Variants in PDLIM5 observed in about 807,000 individuals in gnomAD.
The protein encoded by PDLIM5 is PDZ and LIM domain protein 5.
In PDLIM5, 34 loss-of-function variants were observed where a neutral mutation model predicts 64.2. The observed-to-expected ratio is 0.53, with a 90% confidence interval of 0.40 to 0.71. The LOEUF (loss-of-function observed/expected upper bound fraction) is 0.71, where lower values mean the gene tolerates loss of function less well. Ranked by LOEUF, PDLIM5 falls within the 30% of genes least tolerant of loss-of-function variation. The pLI, the probability that PDLIM5 is intolerant of heterozygous loss-of-function variation, is 0.00. For synonymous variants in PDLIM5, 253 were observed against 269.1 expected (o/e 0.94, Z 0.59); for missense variants, 683 against 733.6 (o/e 0.93, Z 0.80).
intron 2 of PDLIM5, among the ~76,000 whole-genome samples, chr4:94,465,181 T>G (rs553031174): frequency 3.9e-5 from 6 of 152,280 alleles, no homozygotes; most frequent in African/African-American, 1.4e-4. Flanking sequence ...TATCTCTTCC[T>G]CTAGGAACAT....
At chr4:94,518,441 T>C (rs1452945891) in intron 2 of PDLIM5, among the ~76,000 whole-genome samples, 2 of 152,206 alleles carry the variant, frequency 1.3e-5, no homozygotes, top group Non-Finnish European at 2.9e-5. Flanking sequence ...TTATTTTCAG[T>C]GTAATTTTAT....
chr4:94,566,030 A>G (rs1734287558), intron 3 of PDLIM5, among the ~76,000 whole-genome samples: 1 of 152,206 alleles, frequency 6.6e-6, no homozygotes, highest in Non-Finnish European at 1.5e-5. Context: ...TTGTTAATAG[A>G]AAGTAGTTAT....
At chr4:94,635,569 T>C (rs1578514252) in intron 8 of PDLIM5, among the ~76,000 whole-genome samples, 1 of 152,236 alleles carries the variant, frequency 6.6e-6, no homozygotes, top group Non-Finnish European at 1.5e-5. Flanking sequence ...ATGGGTTCAA[T>C]GCATTTGGAG....
intron 7 of PDLIM5, among the ~76,000 whole-genome samples, chr4:94,605,898 G>T (rs1417011984): frequency 4.7e-5 from 7 of 150,326 alleles, no homozygotes; most frequent in Non-Finnish European, 8.9e-5. Flanking sequence ...GTAATATGTA[G>T]ATATTGATAA....
intron 8 of PDLIM5, among the ~76,000 whole-genome samples, chr4:94,625,794 G>C (rs986666775): frequency 6.6e-6 from 1 of 152,100 alleles, no homozygotes; most frequent in Non-Finnish European, 1.5e-5. Flanking sequence ...GTATTGAACA[G>C]ATAACAGTTT....
intron 3 of PDLIM5, among the ~76,000 whole-genome samples, chr4:94,563,321 T>C (rs559268886): frequency 6.6e-6 from 1 of 152,300 alleles, no homozygotes; most frequent in African/African-American, 2.4e-5. Context: ...TAAACAAGGA[T>C]AGACTTGGCC....
At chr4:94,564,408 C>G (rs1186611449) in intron 3 of PDLIM5, among the ~76,000 whole-genome samples, 1 of 152,164 alleles carries the variant, frequency 6.6e-6, no homozygotes, top group African/African-American at 2.4e-5. Context: ...TCTAGCCCCA[C>G]TGGTACATTC....
At position 94,664,203 on chromosome 4, in the gene PDLIM5, TA is replaced by T; in HGVS notation, c.*141del. The T allele has an allele frequency of 8.1e-7, 1 of 1,229,750 alleles. No homozygotes were observed. The highest frequency in any genetic ancestry group is 1.0e-6 in the Non-Finnish European group (1 of 976,634). The allele number at this position is 1,229,750 out of a possible 1,614,324, so 76.2% of individuals were successfully genotyped here. A position where few individuals can be genotyped will look rare whatever the true frequency, so the allele number is the denominator to read the frequency against. On this transcript the variant is annotated 3_prime_UTR_variant, in exon 13 of 13. Coordinates refer to ENST00000317968, the MANE Select transcript of PDLIM5 (RefSeq NM_006457.5). Reference sequence around the variant, plus strand: ...GCCCTGAAGGAATAAATTCCAGCTTTAAAAACCAAGTCTGAGGAAATATTTG... The same window carrying T: ...GCCCTGAAGGAATAAATTCCAGCTTTAAAACCAAGTCTGAGGAAATATTTG...
At chr4:94,643,157 T>C (rs1038013076) in intron 9 of PDLIM5, among the ~76,000 whole-genome samples, 13 of 152,292 alleles carry the variant, frequency 8.5e-5, no homozygotes, top group African/African-American at 3.1e-4. Flanking sequence ...TAGAGCACAT[T>C]CAGTTTAAAA....
intron 5 of PDLIM5, among the ~76,000 whole-genome samples, chr4:94,576,293 C>G (rs367748650): frequency 6.6e-6 from 1 of 152,060 alleles, no homozygotes; most frequent in Non-Finnish European, 1.5e-5. Context: ...TTTGTAAGTC[C>G]CGACACAGCA....
chr4:94,640,543 T>C, intron 9 of PDLIM5, 93 bp downstream of exon 9: 1 of 737,476 alleles, frequency 1.4e-6, no homozygotes, highest in Non-Finnish European at 2.2e-6. Context: ...GTAATGTAAT[T>C]AGTGAAAATA....
rs1243345511 is a variant in PDLIM5, at chr4:94,667,589, A to AG, written c.*3527dup. On this transcript the variant is annotated 3_prime_UTR_variant, in exon 13 of 13. Coordinates refer to ENST00000317968, the MANE Select transcript of PDLIM5 (RefSeq NM_006457.5). ...TGAACATCATGGACTTTAGTATCCT[A>AG]GGGGGTTCTTGGAACCCATCACCCA... 1.3e-5 allele frequency: 2 copies of AG among 152,118 alleles called. No individual in the cohort carries two copies. Among genetic ancestry groups the AG allele is most frequent in the Non-Finnish European group, 2.9e-5 (2 of 67,976 alleles). The allele number at this position is 152,118 out of a possible 1,614,324, so 9.4% of individuals were successfully genotyped here. A position where few individuals can be genotyped will look rare whatever the true frequency, so the allele number is the denominator to read the frequency against.
intron 7 of PDLIM5, among the ~76,000 whole-genome samples, chr4:94,609,214 GA>G (rs945050677): frequency 6.6e-6 from 1 of 152,040 alleles, no homozygotes; most frequent in Non-Finnish European, 1.5e-5. Context: ...GGTGGCCATT[GA>G]AAAAAGTGGT....
At chr4:94,613,700 G>A (rs1466015246) in intron 7 of PDLIM5, among the ~76,000 whole-genome samples, 2 of 151,508 alleles carry the variant, frequency 1.3e-5, no homozygotes, top group Non-Finnish European at 2.9e-5. Context: ...ATCAGCCAAG[G>A]GTATTTATGG....
intron 2 of PDLIM5, 61 bp from the exon 3 acceptor site, chr4:94,523,663 T>C: frequency 7.6e-7 from 1 of 1,321,762 alleles, no homozygotes; most frequent in Non-Finnish European, 1.1e-6. Context: ...GTATAATTTT[T>C]ATCAGCATTT....
At chr4:94,579,503 A>G (rs1193645059) in intron 5 of PDLIM5, 6 of 1,308,124 alleles carry the variant, frequency 4.6e-6, no homozygotes, top group Non-Finnish European at 6.4e-6. Flanking sequence ...ATATTTTAAA[A>G]TACTTTTCTC....
rs954439268 is a variant in PDLIM5, at chr4:94,664,423, G to T, written c.*356G>T. 13 of 785,828 alleles carry T rather than the reference G, an allele frequency of 1.7e-5. No homozygotes were observed. The African/African-American group carries it at 2.3e-4, about 14-fold the overall frequency. 48.7% of individuals were successfully genotyped at this position (785,828 alleles called of 1,614,324 possible). On this transcript the variant is annotated 3_prime_UTR_variant, in exon 13 of 13. Transcript: ENST00000317968. ...TTATACCTTCTTTCCTTGTTAGGTAGTTATGAGTAAATCTGCAAAAGGCAA... is the reference window on the plus strand; with the variant it reads ...TTATACCTTCTTTCCTTGTTAGGTATTTATGAGTAAATCTGCAAAAGGCAA...
chr4:94,457,823 G>A (rs1324393144), intron 2 of PDLIM5, among the ~76,000 whole-genome samples: 1 of 152,192 alleles, frequency 6.6e-6, no homozygotes, highest in Admixed American at 6.5e-5. Context: ...TGTGTAGACA[G>A]AGTGCTAATT....
chr4:94,631,753 C>T lies in PDLIM5; in HGVS notation c.1109-8523C>T, dbSNP rs549699669. On this transcript the variant is annotated intron_variant, in intron 8 of 12. Transcript: ENST00000317968. ...GTTTTGGATCCCGGATTCTCTGCTC[C>T]CCTCCACTGGCTTCCGTGACATACT... 5.9e-5 allele frequency among the ~76,000 whole-genome samples: 9 copies of T among 152,280 alleles called. No homozygotes were observed. In the South Asian group the frequency reaches 1.9e-3, roughly 32 times the overall value.
Sources: gnomAD v4.1 joint callset for allele counts (sites outside exome capture counted in the v4.1 genomes callset) on GRCh38, gnomAD v4.1.1 for gene constraint, MANE v1.5 for transcripts, NCBI Gene and HGNC (gene_info 2026-07-23, HGNC 2026-07-21) for gene names.